ENTPD1: variants seen among roughly 807,000 people sequenced by gnomAD.
ENTPD1 encodes the protein ATP diphosphohydrolase.
A neutral mutation model predicts 57.0 loss-of-function variants in ENTPD1; 33 were observed. The ratio of observed to expected loss-of-function variants is 0.58; its 90% confidence interval spans 0.44 to 0.77. ENTPD1 has a LOEUF of 0.77. Ranked by LOEUF, ENTPD1 falls within the 30% of genes least tolerant of loss-of-function variation. The pLI is 0.00. For synonymous variants in ENTPD1, 202 were observed against 218.8 expected (o/e 0.92, Z 0.68); for missense variants, 501 against 603.4 (o/e 0.83, Z 1.78).
intron 1 of ENTPD1, among the ~76,000 whole-genome samples, chr10:95,729,262 A>G (rs1352295519): frequency 1.3e-5 from 2 of 152,330 alleles, no homozygotes; most frequent in Admixed American, 6.5e-5. Flanking sequence ...TCAGAGAAAC[A>G]CAGTATGAAG....
At chr10:95,864,617 C>T (rs1283057226) in intron 8 of ENTPD1, 107 bp from the exon 9 acceptor site, 5 of 1,497,942 alleles carry the variant, frequency 3.3e-6, no homozygotes, top group Non-Finnish European at 4.6e-6. Context: ...TTCAGGTGCA[C>T]TGGAGCTGGG....
At chr10:95,735,096 A>G (rs1426243245) in intron 1 of ENTPD1, among the ~76,000 whole-genome samples, 2 of 148,776 alleles carry the variant, frequency 1.3e-5, no homozygotes, top group African/African-American at 2.5e-5. Flanking sequence ...CAGTGGCACA[A>G]TCTTGGCTCA....
intron 1 of ENTPD1, among the ~76,000 whole-genome samples, chr10:95,744,145 C>G (rs2098003526): frequency 6.6e-6 from 1 of 151,382 alleles, no homozygotes; most frequent in Admixed American, 6.6e-5. Flanking sequence ...ATCATTCTAG[C>G]CATTTCCCCT....
chr10:95,777,569 C>G (rs749480995), intron 1 of ENTPD1, among the ~76,000 whole-genome samples: 8 of 152,196 alleles, frequency 5.3e-5, no homozygotes, highest in Non-Finnish European at 1.0e-4. Flanking sequence ...GTCAGCTGGC[C>G]CCTACTGGGA....
chr10:95,780,215 G>A (rs1185316406), intron 1 of ENTPD1, among the ~76,000 whole-genome samples: 3 of 152,168 alleles, frequency 2.0e-5, no homozygotes, highest in Non-Finnish European at 4.4e-5. Context: ...GTCCTCCCAT[G>A]TTCATTGTAG....
chr10:95,838,297 A>G (rs745963705), intron 2 of ENTPD1, among the ~76,000 whole-genome samples: 4 of 152,106 alleles, frequency 2.6e-5, no homozygotes, highest in Admixed American at 6.6e-5. Context: ...TGAGCAGTTT[A>G]CTCCTGGATA....
intron 1 of ENTPD1, among the ~76,000 whole-genome samples, chr10:95,750,351 G>T (rs1180700841): frequency 6.6e-6 from 1 of 152,038 alleles, no homozygotes; most frequent in Non-Finnish European, 1.5e-5. Context: ...TGGGTCCTGG[G>T]GGCAGATCCC....
At chr10:95,743,651 C>T (rs1445838788) in intron 1 of ENTPD1, among the ~76,000 whole-genome samples, 1 of 151,960 alleles carries the variant, frequency 6.6e-6, no homozygotes, top group Non-Finnish European at 1.5e-5. Flanking sequence ...TTATTTTATA[C>T]TTTGGATTAT....
chr10:95,814,976 G>C (rs575963285), intron 1 of ENTPD1, among the ~76,000 whole-genome samples: 15 of 151,660 alleles, frequency 9.9e-5, no homozygotes, highest in Admixed American at 3.3e-4. Flanking sequence ...TAACTAACTG[G>C]TTATCATTGA....
Position 95,867,402 on chromosome 10 carries a change from G to A in ENTPD1, c.*1019G>A, listed in dbSNP as rs1367646963. On this transcript the variant is annotated 3_prime_UTR_variant, in exon 10 of 10. Coordinates refer to ENST00000371205, the MANE Select transcript of ENTPD1 (RefSeq NM_001776.6). The stretch of plus-strand genomic sequence containing the variant: ...TAGGCAGAAACCATAGATCTTTTGT[G>A]TTTACAGCTATGGAAACCAACTGTA... 1 of 985,282 alleles carries A rather than the reference G, an allele frequency of 1.0e-6. No homozygotes were observed. The highest frequency in any genetic ancestry group is 1.7e-5 in the African/African-American group (1 of 57,222). 61.0% of individuals were successfully genotyped at this position (985,282 alleles called of 1,614,324 possible). A position where few individuals can be genotyped will look rare whatever the true frequency, so the allele number is the denominator to read the frequency against.
Position 95,866,694 on chromosome 10 carries a change from T to C in ENTPD1, c.*311T>C, listed in dbSNP as rs185146974. ...ATCTTTGCTTTATAAAAGAACAATATTGACTTTGTCTAGAAGAACTGAGAG... is the reference window on the plus strand; with the variant it reads ...ATCTTTGCTTTATAAAAGAACAATACTGACTTTGTCTAGAAGAACTGAGAG... On this transcript the variant is annotated 3_prime_UTR_variant, in exon 10 of 10. Transcript: ENST00000371205. The C allele has an allele frequency of 1.2e-4, 145 of 1,207,156 alleles. 4 individuals carry two copies. The East Asian group carries it at 6.4e-3, about 54-fold the overall frequency. 74.8% of individuals were successfully genotyped at this position (1,207,156 alleles called of 1,614,324 possible).
intron 1 of ENTPD1, among the ~76,000 whole-genome samples, chr10:95,822,238 T>C (rs2098355503): frequency 6.6e-6 from 1 of 152,022 alleles, no homozygotes. Flanking sequence ...GACCTCGTGA[T>C]CCACCTGCCT....
In ENTPD1 at chr10:95,838,017, A is replaced by G. The variant is rs142752816; in HGVS notation, c.145-1674A>G. Among the ~76,000 whole-genome samples the G allele has an allele frequency of 4.6e-5, 7 of 152,104 alleles. No individual in the cohort carries two copies. In the East Asian group the frequency reaches 1.4e-3, roughly 29 times the overall value. ...CACACACACCCACACACACAGCTAA[A>G]TTAAGCATTTTTAAAGTGGCAGACC... On this transcript the variant is annotated intron_variant, in intron 2 of 9. Coordinates refer to ENST00000371205, the MANE Select transcript of ENTPD1 (RefSeq NM_001776.6).
intron 1 of ENTPD1, among the ~76,000 whole-genome samples, chr10:95,715,459 C>T (rs549439559): frequency 1.3e-5 from 2 of 151,930 alleles, no homozygotes; most frequent in Admixed American, 6.5e-5. Flanking sequence ...TTCTTTTAGG[C>T]AACATGTAGT....
rs551070186 is a variant in ENTPD1, at chr10:95,737,617, C to T, written c.37+25624C>T. ...GTCCAGGATGGTCTCAAACTCCTGA[C>T]CTCAGGTGATCCACCTGCTTCGGCC... On this transcript the variant is annotated intron_variant, in intron 1 of 9. Transcript: ENST00000453258. Among the ~76,000 whole-genome samples the T allele has an allele frequency of 1.2e-3, 177 of 152,190 alleles. 1 individual carries two copies. Among genetic ancestry groups the T allele is most frequent in the African/African-American group, 4.1e-3 (169 of 41,506 alleles).
chr10:95,864,618 T>C, intron 8 of ENTPD1, 106 bp from the exon 9 acceptor site: 1 of 1,506,388 alleles, frequency 6.6e-7, no homozygotes, highest in Non-Finnish European at 9.2e-7. Context: ...TCAGGTGCAC[T>C]GGAGCTGGGG....
Position 95,871,293 on chromosome 10 carries a change from G to A in ENTPD1, c.*4910G>A. The A allele has an allele frequency of 1.0e-6, 1 of 984,714 alleles. No individual in the cohort carries two copies. The highest frequency in any genetic ancestry group is 1.2e-6 in the Non-Finnish European group (1 of 829,272). 61.0% of individuals were successfully genotyped at this position (984,714 alleles called of 1,614,324 possible). Reference sequence around the variant, plus strand: ...ATGTGTTTACTGTAAAATATAATCTGTTTATCTCACCAAAGAAATATTATC... The same window carrying A: ...ATGTGTTTACTGTAAAATATAATCTATTTATCTCACCAAAGAAATATTATC... On this transcript the variant is annotated 3_prime_UTR_variant, in exon 10 of 10. Transcript: ENST00000371205.
chr10:95,869,441 G>T lies in ENTPD1; in HGVS notation c.*3058G>T. On this transcript the variant is annotated 3_prime_UTR_variant, in exon 10 of 10. Transcript: ENST00000371205. ...ATTTTTGTATTTTTAGTAAAGACAG[G>T]GTTTCACCATGTTGGCCAGGCTGGT... is the stretch of plus-strand genomic sequence containing the variant. 1 of 718,914 alleles carries T rather than the reference G, an allele frequency of 1.4e-6. No individual in the cohort carries two copies. Among genetic ancestry groups the T allele is most frequent in the Non-Finnish European group, 1.7e-6 (1 of 587,306 alleles). The allele number at this position is 718,914 out of a possible 1,614,324, so 44.5% of individuals were successfully genotyped here. A position where few individuals can be genotyped will look rare whatever the true frequency, so the allele number is the denominator to read the frequency against.
intron 5 of ENTPD1, 69 bp from the exon 6 acceptor site, chr10:95,845,288 C>T: frequency 6.2e-7 from 1 of 1,608,896 alleles, no homozygotes. Context: ...AAATCCCTGA[C>T]TCCAATAGAT....
Sources: allele counts gnomAD v4.1 joint callset (sites outside exome capture counted in the v4.1 genomes callset), GRCh38; gene constraint gnomAD v4.1.1; transcripts MANE v1.5; gene names NCBI Gene and HGNC (gene_info 2026-07-23, HGNC 2026-07-21).